The following PARD3B variants were observed in gnomAD, a reference collection of about 807,000 sequenced individuals.
PARD3B encodes partitioning defective 3 homolog B.
Under a neutral mutation model 130.2 loss-of-function variants are expected in PARD3B, and 103 were observed. The observed-to-expected ratio is 0.79, with a 90% confidence interval of 0.67 to 0.93. PARD3B has a LOEUF of 0.93. Ranked by LOEUF, PARD3B falls within the 40% of genes least tolerant of loss-of-function variation. PARD3B has a pLI of 0.00. For synonymous variants in PARD3B, 583 were observed against 553.2 expected (o/e 1.05, Z -0.76); for missense variants, 1,609 against 1,499.2 (o/e 1.07, Z -1.21).
intron 2 of PARD3B, among the ~76,000 whole-genome samples, chr2:204,730,723 G>A (rs1314553241): frequency 6.6e-6 from 1 of 152,158 alleles, no homozygotes; most frequent in African/African-American, 2.4e-5. Context: ...AGTCTCAGCT[G>A]TCATTGAAGA....
chr2:205,157,185 C>T (rs145579197), intron 10 of PARD3B, among the ~76,000 whole-genome samples: 300 of 152,234 alleles, frequency 2.0e-3, no homozygotes, highest in African/African-American at 6.5e-3. Flanking sequence ...GGCCTGGAAA[C>T]ATAAATGGTT....
At chr2:205,607,847 C>T (rs1233758928) in intron 22 of PARD3B, among the ~76,000 whole-genome samples, 32 of 151,120 alleles carry the variant, frequency 2.1e-4, no homozygotes, top group Admixed American at 5.3e-4. Context: ...CACACACACA[C>T]ACACACACAC....
chr2:205,000,311 G>C (rs1027981522), intron 3 of PARD3B, among the ~76,000 whole-genome samples: 16 of 152,142 alleles, frequency 1.1e-4, no homozygotes, highest in African/African-American at 3.6e-4. Flanking sequence ...GTTTTCTACT[G>C]AGTGAGCCTG....
At chr2:205,358,894 C>T (rs188862960) in intron 18 of PARD3B, among the ~76,000 whole-genome samples, 2 of 152,120 alleles carry the variant, frequency 1.3e-5, no homozygotes, top group African/African-American at 4.8e-5. Context: ...TGTCTTAGAC[C>T]CTGGTCATGG....
At chr2:205,025,561 T>G (rs971129782) in intron 3 of PARD3B, among the ~76,000 whole-genome samples, 1 of 152,190 alleles carries the variant, frequency 6.6e-6, no homozygotes, top group African/African-American at 2.4e-5. Context: ...TGCCACAGTG[T>G]TCTCTTGGGC....
chr2:205,157,692 ATATAAT>A (rs1198054817), intron 10 of PARD3B, among the ~76,000 whole-genome samples: 4 of 152,176 alleles, frequency 2.6e-5, no homozygotes, highest in Admixed American at 6.5e-5. Context: ...GAGTCTCTAG[ATATAAT>A]TATAGAGAGG....
At chr2:205,349,782 G>A (rs899957524) in intron 18 of PARD3B, among the ~76,000 whole-genome samples, 1 of 137,370 alleles carries the variant, frequency 7.3e-6, no homozygotes, top group Non-Finnish European at 1.6e-5. Context: ...GGAAGGAAAT[G>A]TATCTTTTTC....
rs535641917 is a variant in PARD3B, at chr2:205,325,269, T to A, written c.2630+23568T>A. Among the ~76,000 whole-genome samples the A allele has an allele frequency of 3.3e-5, 5 of 152,336 alleles. No individual in the cohort carries two copies. The highest frequency in any genetic ancestry group is 1.2e-4 in the African/African-American group (5 of 41,574). On this transcript the variant is annotated intron_variant, in intron 18 of 22. Coordinates refer to ENST00000406610, the MANE Select transcript of PARD3B (RefSeq NM_001302769.2). The surrounding 1 kb of genome is among the most constrained non-coding windows in gnomAD (Gnocchi z 4.1). ...TATACAATGTTCAACCTTTATACTT[T>A]TATGCTGCCATAGATAAGTACATAA...
At chr2:205,114,404 T>G (rs1703875390) in intron 6 of PARD3B, among the ~76,000 whole-genome samples, 1 of 152,046 alleles carries the variant, frequency 6.6e-6, no homozygotes, top group African/African-American at 2.4e-5. Context: ...TAAAAGAAAA[T>G]CAGTTTTTCA....
chr2:205,059,883 A>C (rs1385188088), intron 4 of PARD3B, among the ~76,000 whole-genome samples: 1 of 152,064 alleles, frequency 6.6e-6, no homozygotes, highest in East Asian at 1.9e-4. Context: ...TTTCAATTCC[A>C]AGTTCATGTC....
intron 1 of PARD3B, among the ~76,000 whole-genome samples, chr2:204,628,992 A>C (rs1391547821): frequency 1.3e-5 from 2 of 152,198 alleles, no homozygotes; most frequent in Admixed American, 1.3e-4. Context: ...AGTGTCAGTT[A>C]ATACATGTTA....
intron 18 of PARD3B, among the ~76,000 whole-genome samples, chr2:205,362,528 A>G (rs10932109): frequency 0.6 from 90,477 of 152,014 alleles, 30,433 homozygotes; most frequent in South Asian, 0.77. Flanking sequence ...AAATGCCCCC[A>G]GCTCCCTTTT....
rs2036410857 is a variant in PARD3B at position 204,673,730 on chromosome 2, G to A, written c.121-12451G>A. Among the ~76,000 whole-genome samples the A allele has an allele frequency of 6.6e-6, 1 of 152,084 alleles. No individual in the cohort carries two copies. The highest frequency in any genetic ancestry group is 1.5e-5 in the Non-Finnish European group (1 of 68,032). ...CCTACTGTATTTTATCTCTCAAATT[G>A]CTTATCACTTACTAACATATCATTA... is the stretch of plus-strand genomic sequence containing the variant. On this transcript the variant is annotated intron_variant, in intron 1 of 22. Coordinates refer to ENST00000406610, the MANE Select transcript of PARD3B (RefSeq NM_001302769.2). This position sits in a 1 kb window ranked among gnomAD's most constrained non-coding sequence, Gnocchi z 4.7.
At chr2:205,254,088 T>TAAA (rs11287171) in intron 16 of PARD3B, among the ~76,000 whole-genome samples, 24 of 75,966 alleles carry the variant, frequency 3.2e-4, no homozygotes, top group African/African-American at 9.4e-4. Flanking sequence ...GTAGAGAAAT[T>TAAA]AAAAAAAAAA....
chr2:205,212,916 A>G (rs1054538900), intron 15 of PARD3B, among the ~76,000 whole-genome samples: 1 of 152,152 alleles, frequency 6.6e-6, no homozygotes, highest in African/African-American at 2.4e-5. Context: ...TCATAGCTGT[A>G]TGTCAGGCAT....
intron 15 of PARD3B, among the ~76,000 whole-genome samples, chr2:205,243,212 T>G (rs2039431455): frequency 1.3e-5 from 2 of 152,192 alleles, no homozygotes; most frequent in African/African-American, 4.8e-5. Flanking sequence ...ATGCTGGCAT[T>G]CAACCCACAT....
intron 19 of PARD3B, among the ~76,000 whole-genome samples, chr2:205,409,384 G>A (rs1373257267): frequency 6.6e-6 from 1 of 152,106 alleles, no homozygotes; most frequent in Non-Finnish European, 1.5e-5. Context: ...AGAGAAATTA[G>A]GGATTTAGAC....
Position 205,104,456 on chromosome 2 carries a change from G to A in PARD3B, c.535G>A (p.Val179Ile), listed in dbSNP as rs747671620. The A allele has an allele frequency of 2.1e-5, 34 of 1,603,254 alleles. No individual in the cohort carries two copies. Among genetic ancestry groups the A allele is most frequent in the African/African-American group, 4.0e-5 (3 of 74,680 alleles). ...CACGCAGAACTTGGAAGACAGAGAA[G>A]TTTTGAATGGTGTACAGACAGAACT... ...DSTQNLEDRE[V>I]LNGVQTELLT... is the part of the protein sequence containing the mutation. Residue 179 changes from valine (V) to isoleucine (I), a missense_variant, in exon 5 of 23, where the codon GTT becomes ATT. Transcript: ENST00000406610.
At chr2:205,333,597 T>C (rs892337777) in intron 18 of PARD3B, among the ~76,000 whole-genome samples, 1 of 152,186 alleles carries the variant, frequency 6.6e-6, no homozygotes, top group Non-Finnish European at 1.5e-5. Context: ...TCCTCTTTTG[T>C]TTGTTTATCA....
Sources: allele counts gnomAD v4.1 joint callset (sites outside exome capture counted in the v4.1 genomes callset), GRCh38; gene constraint gnomAD v4.1.1; non-coding constraint Gnocchi (gnomAD v3.1); transcripts MANE v1.5; gene names NCBI Gene and HGNC (gene_info 2026-07-23, HGNC 2026-07-21).